The following MTUS2 variants were observed in gnomAD, a reference collection of about 807,000 sequenced individuals.
MTUS2 encodes the protein microtubule associated scaffold protein 2, also known as microtubule-associated tumor suppressor candidate 2.
MTUS2 carries 40 observed loss-of-function variants against 114.1 expected under a neutral mutation model. The ratio of observed to expected loss-of-function variants is 0.35; its 90% CI spans 0.27 to 0.46. The LOEUF (loss-of-function observed/expected upper bound fraction) is 0.46. Ranked by LOEUF, MTUS2 falls within the 20% of genes least tolerant of loss-of-function variation. MTUS2 has a pLI of 1.00. For missense variants in MTUS2, 1,679 were observed against 1,705.4 expected (o/e 0.98, Z 0.27); for synonymous variants, 688 against 672.0 (o/e 1.02, Z -0.37).
chr13:28,961,243 C>T (rs1359144450), intron 2 of MTUS2, among the ~76,000 whole-genome samples: 1 of 152,008 alleles, frequency 6.6e-6, no homozygotes, highest in African/African-American at 2.4e-5. Flanking sequence ...TAAATTTGTT[C>T]AAGATAGAAA....
Position 29,301,893 on chromosome 13 carries a change from A to T in MTUS2, c.2806+20028A>T, listed in dbSNP as rs199903740. On this transcript the variant is annotated intron_variant, in intron 6 of 15. Coordinates refer to ENST00000612955, the MANE Select transcript of MTUS2 (RefSeq NM_001033602.4). ...AATATCTGGTAAGAGACCATTCCTC[A>T]TAGATGGTGCCTTCTTGCTGTGTCC... Among the ~76,000 whole-genome samples, 3 of 152,356 alleles carry T rather than the reference A, an allele frequency of 2.0e-5. No individual in the cohort carries two copies. The East Asian group carries it at 5.8e-4, about 29-fold the overall frequency.
chr13:28,934,195 AAGTC>A (rs1019815682), intron 2 of MTUS2, among the ~76,000 whole-genome samples: 1 of 152,188 alleles, frequency 6.6e-6, no homozygotes, highest in African/African-American at 2.4e-5. Context: ...TGTAACACAA[AAGTC>A]AGCCTAATGT....
chr13:28,856,725 T>C (rs1566179891), intron 2 of MTUS2, among the ~76,000 whole-genome samples: 1 of 152,094 alleles, frequency 6.6e-6, no homozygotes, highest in Non-Finnish European at 1.5e-5. Context: ...AAACTGAAAA[T>C]GGCCTAAGGA....
intron 9 of MTUS2, among the ~76,000 whole-genome samples, chr13:29,479,801 C>T (rs530014944): frequency 3.9e-5 from 6 of 152,288 alleles, no homozygotes; most frequent in African/African-American, 9.6e-5. Context: ...TTTTACCAAA[C>T]GCCCAATATT....
At chr13:29,445,072 TAGA>T (rs1878179206) in intron 9 of MTUS2, among the ~76,000 whole-genome samples, 1 of 152,222 alleles carries the variant, frequency 6.6e-6, no homozygotes, top group African/African-American at 2.4e-5. Flanking sequence ...CTGTATCTTC[TAGA>T]AGGTCTGTAG....
chr13:28,852,365 T>G (rs945181157), intron 2 of MTUS2, among the ~76,000 whole-genome samples: 2 of 152,074 alleles, frequency 1.3e-5, no homozygotes, highest in African/African-American at 4.8e-5. Flanking sequence ...ACACCTTGGA[T>G]GGGGTCTGGT....
intron 5 of MTUS2, among the ~76,000 whole-genome samples, chr13:29,176,551 G>A (rs1489604106): frequency 6.6e-6 from 1 of 152,138 alleles, no homozygotes; most frequent in Non-Finnish European, 1.5e-5. Flanking sequence ...CAGTTCTAAA[G>A]GCTGGGAAGT....
chr13:29,036,267 CGGAA>C (rs1887067599), intron 4 of MTUS2, among the ~76,000 whole-genome samples: 1 of 152,040 alleles, frequency 6.6e-6, no homozygotes, highest in Non-Finnish European at 1.5e-5. Context: ...AGTCCTCTGA[CGGAA>C]GGGAGTGAGA....
At chr13:29,439,907 T>G (rs951958727) in intron 8 of MTUS2, 76 bp from the exon 9 acceptor site, 2 of 1,100,184 alleles carry the variant, frequency 1.8e-6, no homozygotes, top group African/African-American at 3.1e-5. Context: ...TTAATACGAT[T>G]CATTAATTAA....
intron 4 of MTUS2, among the ~76,000 whole-genome samples, chr13:29,035,918 A>G (rs1203920019): frequency 6.6e-6 from 1 of 151,996 alleles, no homozygotes; most frequent in Non-Finnish European, 1.5e-5. Flanking sequence ...ACTGAGGTGG[A>G]CGGATCGCTG....
Position 29,480,452 on chromosome 13 carries a change from T to C in MTUS2, c.3399+88T>C. 1 of 1,347,042 alleles carries C rather than the reference T, an allele frequency of 7.4e-7. No homozygotes were observed. Among genetic ancestry groups the C allele is most frequent in the Non-Finnish European group, 9.9e-7 (1 of 1,007,118 alleles). 83.4% of individuals were successfully genotyped at this position (1,347,042 alleles called of 1,614,324 possible). A position where few individuals can be genotyped will look rare whatever the true frequency, so the allele number is the denominator to read the frequency against. Reference sequence around the variant, plus strand: ...CCAGTGCCACATTAGCAAGAAGTCCTATTCAGTAGGTGAGCTTTCTGAACA... The same window carrying C: ...CCAGTGCCACATTAGCAAGAAGTCCCATTCAGTAGGTGAGCTTTCTGAACA... On this transcript the variant is annotated intron_variant, in intron 10 of 15. Transcript: ENST00000612955. This position sits in a 1 kb window ranked among gnomAD's most constrained non-coding sequence, Gnocchi z 4.4.
chr13:29,030,585 C>T (rs1479271684), intron 3 of MTUS2, among the ~76,000 whole-genome samples: 8 of 152,118 alleles, frequency 5.3e-5, no homozygotes, highest in African/African-American at 1.9e-4. Flanking sequence ...TGTTTGAGCT[C>T]AGTGCAGGGA....
intron 2 of MTUS2, among the ~76,000 whole-genome samples, chr13:28,905,218 C>T (rs1319963975): frequency 6.6e-6 from 1 of 151,568 alleles, no homozygotes; most frequent in East Asian, 1.9e-4. Flanking sequence ...AATTTGACTT[C>T]CTCTTTTCCT....
chr13:29,215,229 C>T (rs1439286541), intron 5 of MTUS2, among the ~76,000 whole-genome samples: 2 of 151,900 alleles, frequency 1.3e-5, no homozygotes, highest in African/African-American at 4.8e-5. Context: ...TTATGTTCTT[C>T]TCTAAACTGG....
At chr13:29,186,415 A>G (rs1277352957) in intron 5 of MTUS2, among the ~76,000 whole-genome samples, 1 of 152,240 alleles carries the variant, frequency 6.6e-6, no homozygotes, top group Admixed American at 6.5e-5. Flanking sequence ...AAAAGTAAAG[A>G]ATGGGAAAAA....
At position 29,505,111 on chromosome 13, in the gene MTUS2, T is replaced by G; in HGVS notation, c.*1905T>G. On this transcript the variant is annotated 3_prime_UTR_variant, in exon 16 of 16. Transcript: ENST00000612955. ...TTAGTGGCTCTGCATGATACTGTGA[T>G]ATTGAGTTGGGCATTCCATTAGAGT... 4.3e-6 allele frequency: 1 copy of G among 231,862 alleles called. No individual in the cohort carries two copies. Among genetic ancestry groups the G allele is most frequent in the Non-Finnish European group, 8.5e-6 (1 of 117,024 alleles). The allele number at this position is 231,862 out of a possible 1,614,324, so 14.4% of individuals were successfully genotyped here.
Position 29,472,445 on chromosome 13 carries a change from A to G in MTUS2, c.3185-7705A>G, listed in dbSNP as rs374914103. ...GGGTAGTGTGTCCGGGATCCCAGGC[A>G]GCTGTGTTTCATGCAACCCACCCTG... On this transcript the variant is annotated intron_variant, in intron 9 of 15. Transcript: ENST00000612955. Among the ~76,000 whole-genome samples, 23 of 152,334 alleles carry G rather than the reference A, an allele frequency of 1.5e-4. No individual in the cohort carries two copies. The East Asian group carries it at 1.7e-3, about 12-fold the overall frequency.
intron 9 of MTUS2, among the ~76,000 whole-genome samples, chr13:29,463,322 A>C (rs1879645464): frequency 6.6e-6 from 1 of 152,190 alleles, no homozygotes; most frequent in Non-Finnish European, 1.5e-5. Flanking sequence ...GAGTTGTTTT[A>C]AGCCCCTAAG....
intron 2 of MTUS2, among the ~76,000 whole-genome samples, chr13:28,870,380 G>T (rs771224727): frequency 6.6e-6 from 1 of 152,114 alleles, no homozygotes; most frequent in Non-Finnish European, 1.5e-5. Flanking sequence ...AAACGGCTTT[G>T]CTTGGTAAGG....
Sources: allele counts gnomAD v4.1 joint callset (sites outside exome capture counted in the v4.1 genomes callset), GRCh38; gene constraint gnomAD v4.1.1; non-coding constraint Gnocchi (gnomAD v3.1); transcripts MANE v1.5; gene names NCBI Gene and HGNC (gene_info 2026-07-23, HGNC 2026-07-21).